Variants in OSTF1 observed in about 807,000 individuals in gnomAD.
OSTF1 encodes osteoclast-stimulating factor 1.
OSTF1 carries 27 observed loss-of-function variants against 37.2 expected under a neutral mutation model. The ratio of observed to expected loss-of-function variants is 0.73; its 90% CI spans 0.54 to 1.00. The LOEUF is 1.00. Ranked by LOEUF, OSTF1 falls within the 50% of genes least tolerant of loss-of-function variation. The probability of loss-of-function intolerance (pLI) is 0.00; values close to 1 mark genes in which losing one functional copy is unlikely to be tolerated. For missense variants in OSTF1, 232 were observed against 253.8 expected, an observed-to-expected ratio of 0.91 and a Z score of 0.58; for synonymous variants, 82 against 89.2, an observed-to-expected ratio of 0.92 and a Z score of 0.46.
At chr9:75,103,765 C>G (rs1278780282) in intron 1 of OSTF1, among the ~76,000 whole-genome samples, 1 of 152,144 alleles carries the variant, frequency 6.6e-6, no homozygotes, top group African/African-American at 2.4e-5. Flanking sequence ...TCCCAAGTAG[C>G]TGGGACCCAC....
intron 1 of OSTF1, among the ~76,000 whole-genome samples, chr9:75,115,765 A>G (rs1825478098): frequency 6.6e-6 from 1 of 151,516 alleles, no homozygotes; most frequent in African/African-American, 2.4e-5. Context: ...ACATCTACAG[A>G]TTCAACCAAC....
chr9:75,091,177 T>G (rs1352310959), intron 1 of OSTF1, among the ~76,000 whole-genome samples: 1 of 146,230 alleles, frequency 6.8e-6, no homozygotes, highest in Non-Finnish European at 1.5e-5. Context: ...CCTCCGCCTC[T>G]CGGGATCAAG....
At chr9:75,099,145 C>T (rs1825144504) in intron 1 of OSTF1, among the ~76,000 whole-genome samples, 1 of 152,100 alleles carries the variant, frequency 6.6e-6, no homozygotes, top group Non-Finnish European at 1.5e-5. Flanking sequence ...ATCATGTTGG[C>T]CAGGCTGGTC....
intron 9 of OSTF1, among the ~76,000 whole-genome samples, chr9:75,143,657 G>A (rs1226986934): frequency 6.6e-6 from 1 of 152,202 alleles, no homozygotes; most frequent in Non-Finnish European, 1.5e-5. Context: ...TTGTTTGTAT[G>A]TTTGTTGGTT....
chr9:75,103,676 C>T (rs1298652365), intron 1 of OSTF1, among the ~76,000 whole-genome samples: 1 of 152,182 alleles, frequency 6.6e-6, no homozygotes, highest in Non-Finnish European at 1.5e-5. Flanking sequence ...GCCGGAGTGC[C>T]AGGCTGGAGT....
At chr9:75,141,312 C>CAAAAAAAAAAAAAA (rs529293090) in intron 9 of OSTF1, among the ~76,000 whole-genome samples, 116 of 71,692 alleles carry the variant, frequency 1.6e-3, no homozygotes, top group East Asian at 2.1e-3. Context: ...AAAAGAAAAC[C>CAAAAAAAAAAAAAA]AAAAAAAAAA....
chr9:75,109,420 T>C (rs1397684929), intron 1 of OSTF1, among the ~76,000 whole-genome samples: 2 of 152,284 alleles, frequency 1.3e-5, no homozygotes, highest in Non-Finnish European at 2.9e-5. Context: ...GGCCAAAAAA[T>C]GTGTATTTGG....
intron 1 of OSTF1, among the ~76,000 whole-genome samples, chr9:75,101,881 AAT>A (rs1208548451): frequency 6.6e-6 from 1 of 152,194 alleles, no homozygotes; most frequent in African/African-American, 2.4e-5. Flanking sequence ...TTGCACTATA[AAT>A]AAAGGGCACA....
intron 1 of OSTF1, among the ~76,000 whole-genome samples, chr9:75,116,317 C>T (rs915749089): frequency 6.6e-6 from 1 of 151,936 alleles, no homozygotes; most frequent in Non-Finnish European, 1.5e-5. Flanking sequence ...GTTCTAGAAC[C>T]GGTGCCCTTG....
At chr9:75,128,379 TATATATATATATATATATA>T (rs1564164905) in intron 3 of OSTF1, among the ~76,000 whole-genome samples, 2 of 87,884 alleles carry the variant, frequency 2.3e-5, no homozygotes, top group African/African-American at 9.8e-5. Context: ...TATATATATA[TATATATATATATATATATA>T]TATATATATT....
intron 1 of OSTF1, among the ~76,000 whole-genome samples, chr9:75,102,038 T>C (rs778960923): frequency 9.2e-5 from 14 of 152,232 alleles, no homozygotes; most frequent in Non-Finnish European, 2.1e-4. Context: ...GGCACAATTA[T>C]AGCTCACTGC....
At chr9:75,101,532 A>C (rs1825193585) in intron 1 of OSTF1, among the ~76,000 whole-genome samples, 1 of 152,098 alleles carries the variant, frequency 6.6e-6, no homozygotes, top group Non-Finnish European at 1.5e-5. Flanking sequence ...ACTTTTGTGG[A>C]GGCTCTTGTA....
intron 9 of OSTF1, among the ~76,000 whole-genome samples, chr9:75,142,942 C>CT (rs35793257): frequency 0.091 from 12,833 of 141,538 alleles, 793 homozygotes; most frequent in Middle Eastern, 0.19. Flanking sequence ...TTGTTGTCCA[C>CT]TTTTTTTTTT....
At chr9:75,131,844 C>A in intron 5 of OSTF1, 21 bp downstream of exon 5, 1 of 1,591,436 alleles carries the variant, frequency 6.3e-7, no homozygotes, top group Non-Finnish European at 8.6e-7. Context: ...TTCTTTTTGA[C>A]TGAGGTATGC....
At chr9:75,117,630 T>C in intron 2 of OSTF1, 80 bp downstream of exon 2, 1 of 1,043,212 alleles carries the variant, frequency 9.6e-7, no homozygotes, top group South Asian at 1.3e-5. Context: ...CTGGTGTGAA[T>C]GGTCTGCCTT....
At chr9:75,133,477 A>G in intron 6 of OSTF1, 76 bp downstream of exon 6, 1 of 868,284 alleles carries the variant, frequency 1.2e-6, no homozygotes, top group East Asian at 2.4e-5. Flanking sequence ...ATTTACAAAA[A>G]ATGAGAAAGG....
chr9:75,144,596 C>T (rs1322071089), intron 9 of OSTF1, among the ~76,000 whole-genome samples: 1 of 152,128 alleles, frequency 6.6e-6, no homozygotes, highest in African/African-American at 2.4e-5. Flanking sequence ...CTCTCTCTTG[C>T]AAGATAAATC....
chr9:75,115,350 G>A (rs1425956992), intron 1 of OSTF1, among the ~76,000 whole-genome samples: 11 of 152,056 alleles, frequency 7.2e-5, no homozygotes, highest in Non-Finnish European at 2.9e-5. Flanking sequence ...GGAGTGTAGT[G>A]GCGTGATCTC....
chr9:75,091,307 A>T (rs1824970938), intron 1 of OSTF1, among the ~76,000 whole-genome samples: 1 of 151,644 alleles, frequency 6.6e-6, no homozygotes, highest in Admixed American at 6.6e-5. Flanking sequence ...TGAACTCCTG[A>T]CCTTGTGATC....
Sources: allele counts gnomAD v4.1 joint callset (sites outside exome capture counted in the v4.1 genomes callset), GRCh38; gene constraint gnomAD v4.1.1; transcripts MANE v1.5; gene names NCBI Gene and HGNC (gene_info 2026-07-23, HGNC 2026-07-21).